Variants in COL14A1 observed in about 807,000 individuals in gnomAD.
COL14A1 encodes the protein collagen alpha-1(XIV) chain.
A neutral mutation model predicts 230.3 loss-of-function variants in COL14A1; 136 were observed. The observed-to-expected ratio is 0.59, with a 90% confidence interval of 0.51 to 0.68. The LOEUF (loss-of-function observed/expected upper bound fraction) is 0.68. Among genes scored for constraint, COL14A1 ranks in the 30% least tolerant of loss-of-function variants. COL14A1 has a pLI of 0.00. For missense variants in COL14A1, 1,976 were observed against 2,215.8 expected (o/e 0.89, Z 2.17); for synonymous variants, 792 against 784.1 (o/e 1.01, Z -0.17).
At chr8:120,149,050 C>T (rs2130473385) in intron 2 of COL14A1, among the ~76,000 whole-genome samples, 1 of 152,320 alleles carries the variant, frequency 6.6e-6, no homozygotes, top group Admixed American at 6.5e-5. Context: ...AAATATTTAT[C>T]TGAAAAGAAT....
At chr8:120,172,818 CA>C (rs1427801065) in intron 5 of COL14A1, among the ~76,000 whole-genome samples, 1 of 152,166 alleles carries the variant, frequency 6.6e-6, no homozygotes, top group Non-Finnish European at 1.5e-5. Flanking sequence ...TAAGAACTAT[CA>C]AATACAACTT....
At chr8:120,242,026 T>C (rs1818621967) in intron 19 of COL14A1, among the ~76,000 whole-genome samples, 1 of 152,222 alleles carries the variant, frequency 6.6e-6, no homozygotes, top group African/African-American at 2.4e-5. Flanking sequence ...ACAAACTTTG[T>C]TTTACGCACA....
At chr8:120,365,296 T>C (rs1210559177) in intron 45 of COL14A1, among the ~76,000 whole-genome samples, 2 of 152,330 alleles carry the variant, frequency 1.3e-5, no homozygotes, top group African/African-American at 4.8e-5. Flanking sequence ...CTGTTAAAGA[T>C]GATCCTGCAC....
intron 12 of COL14A1, among the ~76,000 whole-genome samples, chr8:120,211,702 G>A (rs1817619604): frequency 6.6e-6 from 1 of 152,164 alleles, no homozygotes; most frequent in Admixed American, 6.6e-5. Context: ...TATTGAGATA[G>A]TTCAAAATTC....
chr8:120,193,675 G>A (rs1388039733), intron 5 of COL14A1, among the ~76,000 whole-genome samples: 4 of 152,224 alleles, frequency 2.6e-5, no homozygotes, highest in Non-Finnish European at 4.4e-5. Flanking sequence ...AGGCAGGCAG[G>A]CCTCCTTGAG....
At chr8:120,153,639 G>A (rs1295316375) in intron 2 of COL14A1, among the ~76,000 whole-genome samples, 1 of 152,162 alleles carries the variant, frequency 6.6e-6, no homozygotes, top group Non-Finnish European at 1.5e-5. Flanking sequence ...AACTCTCAAT[G>A]TGATTCATGC....
intron 21 of COL14A1, among the ~76,000 whole-genome samples, chr8:120,248,754 T>C (rs539302904): frequency 6.6e-6 from 1 of 151,584 alleles, no homozygotes; most frequent in Admixed American, 6.6e-5. Context: ...ACCTGGGAGG[T>C]TGAGGTGGGA....
intron 40 of COL14A1, among the ~76,000 whole-genome samples, chr8:120,323,670 G>T (rs1328945949): frequency 1.3e-5 from 2 of 152,134 alleles, no homozygotes; most frequent in Non-Finnish European, 2.9e-5. Context: ...TTATTGAATA[G>T]GGAGTCATTT....
At chr8:120,192,156 T>A (rs1234478566) in intron 5 of COL14A1, among the ~76,000 whole-genome samples, 11 of 152,232 alleles carry the variant, frequency 7.2e-5, no homozygotes, top group Non-Finnish European at 1.6e-4. Flanking sequence ...GTCTTTACAT[T>A]TTGGCATGAT....
At chr8:120,326,975 G>A (rs1225043709) in intron 40 of COL14A1, among the ~76,000 whole-genome samples, 3 of 152,180 alleles carry the variant, frequency 2.0e-5, no homozygotes, top group African/African-American at 4.8e-5. Context: ...GCCATGAGCC[G>A]AGATTGTGCC....
intron 5 of COL14A1, among the ~76,000 whole-genome samples, chr8:120,193,823 G>A (rs190542618): frequency 4.1e-4 from 63 of 152,274 alleles, no homozygotes; most frequent in Non-Finnish European, 7.2e-4. Context: ...AGCAATCAGC[G>A]AGACTCTGTG....
intron 24 of COL14A1, 38 bp downstream of exon 24, chr8:120,263,052 T>C: frequency 1.3e-6 from 2 of 1,527,888 alleles, no homozygotes; most frequent in Non-Finnish European, 1.8e-6. Context: ...CCTCTCCCCA[T>C]GAACAAACAG....
intron 34 of COL14A1, among the ~76,000 whole-genome samples, chr8:120,291,343 T>C (rs1406457440): frequency 6.6e-6 from 1 of 151,942 alleles, no homozygotes; most frequent in East Asian, 1.9e-4. Context: ...GGGTGGATCA[T>C]GAGGTCAGGA....
In COL14A1 at chr8:120,289,343, C is replaced by T. The variant is rs187762925; in HGVS notation, c.4078-265C>T. ...GTAATTTCAAAGATGCGATTGCTCT[C>T]GAGTTAGGCCGGACTTTAAAAAGTG... is the stretch of plus-strand genomic sequence containing the variant. On this transcript the variant is annotated intron_variant, in intron 33 of 47. Coordinates refer to ENST00000297848, the MANE Select transcript of COL14A1 (RefSeq NM_021110.4). Among the ~76,000 whole-genome samples the T allele has an allele frequency of 4.0e-3, 605 of 152,162 alleles. 3 individuals carry two copies. The highest frequency in any genetic ancestry group is 2.9e-3 in the Non-Finnish European group (194 of 68,006).
At chr8:120,190,522 G>C (rs1161977986) in intron 5 of COL14A1, among the ~76,000 whole-genome samples, 1 of 152,020 alleles carries the variant, frequency 6.6e-6, no homozygotes, top group Admixed American at 6.5e-5. Flanking sequence ...GGCTTTTGTT[G>C]CCATTGCTTT....
chr8:120,169,091 G>A (rs534991684), intron 5 of COL14A1, among the ~76,000 whole-genome samples: 1 of 152,200 alleles, frequency 6.6e-6, no homozygotes, highest in Admixed American at 6.5e-5. Context: ...CCTGACCTCA[G>A]GTGATCCACC....
chr8:120,209,618 A>C lies in COL14A1; in HGVS notation c.1322-138A>C, dbSNP rs150606074. ...TTCCTGTTTTTCATCAGCATTGTTT[A>C]ACCCAGGAACTTGCAATTTATTCTT... On this transcript the variant is annotated intron_variant, in intron 11 of 47. Coordinates refer to ENST00000297848, the MANE Select transcript of COL14A1 (RefSeq NM_021110.4). The C allele has an allele frequency of 2.1e-4, 167 of 813,050 alleles. No homozygotes were observed. The African/African-American group carries it at 2.5e-3, about 12-fold the overall frequency. The allele number at this position is 813,050 out of a possible 1,614,324, so 50.4% of individuals were successfully genotyped here.
At chr8:120,350,890 A>G (rs1822734868) in intron 45 of COL14A1, among the ~76,000 whole-genome samples, 1 of 151,366 alleles carries the variant, frequency 6.6e-6, no homozygotes, top group Non-Finnish European at 1.5e-5. Flanking sequence ...AGCGGACCTA[A>G]TAGACATCTA....
chr8:120,276,740 C>T (rs547867949), intron 26 of COL14A1, among the ~76,000 whole-genome samples: 23 of 151,396 alleles, frequency 1.5e-4, no homozygotes, highest in East Asian at 5.9e-4. Flanking sequence ...ATGTAAATGA[C>T]GAGTTAATGG....
Sources: gnomAD v4.1 joint callset for allele counts (sites outside exome capture counted in the v4.1 genomes callset) on GRCh38, gnomAD v4.1.1 for gene constraint, MANE v1.5 for transcripts, NCBI Gene and HGNC (gene_info 2026-07-23, HGNC 2026-07-21) for gene names.